CDH18: variants seen among roughly 807,000 people sequenced by gnomAD.
CDH18 encodes the protein cadherin-18.
A neutral mutation model predicts 67.9 loss-of-function variants in CDH18; 31 were observed. That is an observed-to-expected ratio of 0.46 (90% CI 0.34 to 0.62). CDH18 has a LOEUF of 0.62. CDH18 is among the 20% of genes least tolerant of loss of function. CDH18 has a pLI of 0.01. For missense variants in CDH18, 890 were observed against 975.5 expected (o/e 0.91, Z 1.17); for synonymous variants, 362 against 347.2 (o/e 1.04, Z -0.48).
At chr5:19,490,683 G>A (rs1213886835) in intron 11 of CDH18, among the ~76,000 whole-genome samples, 1 of 151,890 alleles carries the variant, frequency 6.6e-6, no homozygotes, top group African/African-American at 2.4e-5. Context: ...AAAGTGCTGG[G>A]ATTACAGGTG....
intron 2 of CDH18, among the ~76,000 whole-genome samples, chr5:20,206,900 C>T (rs758807070): frequency 6.6e-5 from 10 of 151,820 alleles, no homozygotes; most frequent in Non-Finnish European, 1.0e-4. Flanking sequence ...TCATACTGAA[C>T]AGGGGAAAAT....
chr5:20,403,865 C>T (rs145501416), intron 1 of CDH18, among the ~76,000 whole-genome samples: 2 of 152,180 alleles, frequency 1.3e-5, no homozygotes, highest in Non-Finnish European at 2.9e-5. Context: ...CTTCTCTCTA[C>T]ATGAAAGTTT....
chr5:19,778,776 T>G (rs925138510), intron 3 of CDH18, among the ~76,000 whole-genome samples: 1 of 152,186 alleles, frequency 6.6e-6, no homozygotes, highest in East Asian at 1.9e-4. Flanking sequence ...TCCCTGTTCC[T>G]TCATGAATTG....
chr5:20,013,813 T>A (rs888664514), intron 2 of CDH18, among the ~76,000 whole-genome samples: 2 of 152,146 alleles, frequency 1.3e-5, no homozygotes, highest in African/African-American at 4.8e-5. Flanking sequence ...TTTTGAGATC[T>A]AAAATTAGAA....
intron 1 of CDH18, among the ~76,000 whole-genome samples, chr5:20,500,924 AAGT>A (rs1453297549): frequency 6.6e-6 from 1 of 152,154 alleles, no homozygotes; most frequent in African/African-American, 2.4e-5. Flanking sequence ...GGTCTAGACT[AAGT>A]AGTTTATAAT....
At chr5:19,905,192 G>A (rs1026032110) in intron 2 of CDH18, among the ~76,000 whole-genome samples, 1 of 152,150 alleles carries the variant, frequency 6.6e-6, no homozygotes, top group Admixed American at 6.6e-5. Context: ...CAAAGAAGCA[G>A]CTGGATAAAT....
intron 11 of CDH18, among the ~76,000 whole-genome samples, chr5:19,494,409 T>G (rs1741961342): frequency 2.6e-5 from 4 of 152,280 alleles, no homozygotes; most frequent in Admixed American, 2.0e-4. Context: ...GGCCATAGTT[T>G]CACCTATAAT....
In CDH18 at chr5:19,987,222, G is replaced by C. The variant is rs193039002; in HGVS notation, c.-376+864C>G. Among the ~76,000 whole-genome samples, 33 of 151,196 alleles carry C rather than the reference G, an allele frequency of 2.2e-4. 2 individuals are homozygous for C. In the East Asian group the frequency reaches 6.2e-3, roughly 29 times the overall value. Reference sequence around the variant, plus strand: ...CTATTTTTTCACCTGTTACATATGAGAGGTTTGCCTAGAGCCACATCTGTA... The same window carrying C: ...CTATTTTTTCACCTGTTACATATGACAGGTTTGCCTAGAGCCACATCTGTA... On this transcript the variant is annotated intron_variant, in intron 1 of 12. Transcript: ENST00000382275.
chr5:20,511,669 C>G (rs1162088419), intron 1 of CDH18, among the ~76,000 whole-genome samples: 3 of 152,160 alleles, frequency 2.0e-5, no homozygotes, highest in South Asian at 2.1e-4. Flanking sequence ...TTTTTCAATC[C>G]TTGTAAATTT....
chr5:19,852,947 A>C (rs541958064), intron 2 of CDH18, among the ~76,000 whole-genome samples: 1 of 152,202 alleles, frequency 6.6e-6, no homozygotes, highest in African/African-American at 2.4e-5. Context: ...GGATGTGTAC[A>C]TCAGCATTAC....
intron 4 of CDH18, among the ~76,000 whole-genome samples, chr5:19,735,054 C>T (rs1402187962): frequency 6.6e-6 from 1 of 152,138 alleles, no homozygotes; most frequent in African/African-American, 2.4e-5. Context: ...CCCTCCATAA[C>T]ACAGGTGAGT....
At chr5:19,739,542 A>C (rs962378825) in intron 4 of CDH18, among the ~76,000 whole-genome samples, 5 of 152,212 alleles carry the variant, frequency 3.3e-5, no homozygotes, top group Admixed American at 6.5e-5. Context: ...ATTATGAGCA[A>C]ATAAAGCAAA....
rs1269797252 is a variant in CDH18 at position 19,994,728 on chromosome 5, TATATATATATAGAGAG to T, written c.-517-2730_-517-2715del. 4.0e-3 allele frequency among the ~76,000 whole-genome samples: 84 copies of T among 20,842 alleles called. 1 individual carries two copies. The highest frequency in any genetic ancestry group is 5.9e-3 in the Non-Finnish European group (69 of 11,788). The allele number at this position is 20,842 out of a possible 152,430, so 13.7% of individuals were successfully genotyped here. On this transcript the variant is annotated intron_variant, in intron 2 of 14. Coordinates refer to the CDH18 transcript ENST00000507958. ...ATATATATATATATATATATATATATATATATATATAGAGAGAGAGAGAGAGAGAGAGAGAGAGAGA... is the reference window on the plus strand; with the variant it reads ...ATATATATATATATATATATATATATAGAGAGAGAGAGAGAGAGAGAGAGA...
chr5:20,463,067 C>T (rs1367832049), intron 1 of CDH18, among the ~76,000 whole-genome samples: 1 of 152,208 alleles, frequency 6.6e-6, no homozygotes, highest in African/African-American at 2.4e-5. Flanking sequence ...GCAGCACTGC[C>T]TTTTGCCAGA....
chr5:20,508,136 G>A (rs937326586), intron 1 of CDH18, among the ~76,000 whole-genome samples: 1 of 151,442 alleles, frequency 6.6e-6, no homozygotes, highest in African/African-American at 2.4e-5. Flanking sequence ...AAATCTTCTG[G>A]CAAATGTCTT....
chr5:20,346,574 C>A (rs1178768482), intron 1 of CDH18, among the ~76,000 whole-genome samples: 3 of 152,102 alleles, frequency 2.0e-5, no homozygotes, highest in African/African-American at 7.2e-5. Context: ...TGAAGACCAG[C>A]AGCAAAAACT....
chr5:19,994,914 A>G (rs1390732772), intron 2 of CDH18, among the ~76,000 whole-genome samples: 1 of 145,530 alleles, frequency 6.9e-6, no homozygotes, highest in Non-Finnish European at 1.5e-5. Context: ...AGCTCATGCA[A>G]TTACGGAGGC....
intron 2 of CDH18, among the ~76,000 whole-genome samples, chr5:20,180,682 T>G (rs1737615563): frequency 6.6e-6 from 1 of 152,074 alleles, no homozygotes; most frequent in African/African-American, 2.4e-5. Context: ...CTAAACTTAA[T>G]AGTAAGTGCT....
intron 1 of CDH18, among the ~76,000 whole-genome samples, chr5:20,436,550 G>GA (rs1483004336): frequency 6.6e-6 from 1 of 151,142 alleles, no homozygotes; most frequent in Non-Finnish European, 1.5e-5. Flanking sequence ...CATTTATCCT[G>GA]AAAAAATATG....
Sources: gnomAD v4.1 joint callset for allele counts (sites outside exome capture counted in the v4.1 genomes callset) on GRCh38, gnomAD v4.1.1 for gene constraint, MANE v1.5 for transcripts, NCBI Gene and HGNC (gene_info 2026-07-23, HGNC 2026-07-21) for gene names.